MAP2: variants seen among roughly 807,000 people sequenced by gnomAD.
MAP2 encodes the protein microtubule-associated protein 2.
Under a neutral mutation model 137.6 loss-of-function variants are expected in MAP2, and 14 were observed. That is an observed-to-expected ratio of 0.10 (90% CI 0.07 to 0.16). The LOEUF is 0.16. Among genes scored for constraint, MAP2 ranks in the 10% least tolerant of loss-of-function variants. The pLI, the probability that MAP2 is intolerant of heterozygous loss-of-function variation, is 1.00. For synonymous variants in MAP2, 786 were observed against 782.3 expected (o/e 1.00, Z -0.08); for missense variants, 2,088 against 2,191.5 (o/e 0.95, Z 0.94).
At chr2:209,716,939 A>C (rs1044807711) in intron 13 of MAP2, among the ~76,000 whole-genome samples, 1 of 152,192 alleles carries the variant, frequency 6.6e-6, no homozygotes, top group African/African-American at 2.4e-5. Flanking sequence ...TGTTTGTGCC[A>C]CAAGGGCCAG....
intron 1 of MAP2, among the ~76,000 whole-genome samples, chr2:209,437,312 T>A (rs1696578170): frequency 6.6e-6 from 1 of 151,654 alleles, no homozygotes; most frequent in African/African-American, 2.4e-5. Context: ...CCAGGTATTT[T>A]GTCTTATAAG....
Position 209,701,859 on chromosome 2 carries a change from AG to A in MAP2, c.4584+1524del, listed in dbSNP as rs924205393. ...TTAATGATGTATGGTGGTTGGCCGT[AG>A]GGCTATGAAACAAATCATGTTCAAA... On this transcript the variant is annotated intron_variant, in intron 11 of 15. Coordinates refer to ENST00000682079, the MANE Select transcript of MAP2 (RefSeq NM_001375505.1). Among the ~76,000 whole-genome samples the A allele has an allele frequency of 7.5e-4, 114 of 152,192 alleles. 1 individual carries two copies. Among genetic ancestry groups the A allele is most frequent in the African/African-American group, 2.7e-3 (112 of 41,566 alleles).
intron 12 of MAP2, among the ~76,000 whole-genome samples, chr2:209,709,038 A>G (rs1476229571): frequency 2.0e-5 from 3 of 152,210 alleles, no homozygotes; most frequent in African/African-American, 4.8e-5. Context: ...CATTCAAAAG[A>G]TGAAAGAAAC....
At chr2:209,591,035 GT>G (rs2079095999) in intron 3 of MAP2, among the ~76,000 whole-genome samples, 1 of 152,114 alleles carries the variant, frequency 6.6e-6, no homozygotes, top group African/African-American at 2.4e-5. Context: ...TGGTTTCTTT[GT>G]TTTTTGTTTG....
At chr2:209,525,807 C>T (rs529939477) in intron 2 of MAP2, among the ~76,000 whole-genome samples, 3 of 152,244 alleles carry the variant, frequency 2.0e-5, no homozygotes, top group South Asian at 2.1e-4. Context: ...TGTCCAAACT[C>T]TTAGTTTCTA....
rs192724907 is a variant in MAP2 at position 209,517,994 on chromosome 2, C to T, written c.-172+10353C>T. On this transcript the variant is annotated intron_variant, in intron 2 of 15. Transcript: ENST00000682079. ...TAGTTTCATGGGCATGTATTTTTAC[C>T]AGGGAAAGAGAATTTGTACATGATA... Among the ~76,000 whole-genome samples, 460 of 151,924 alleles carry T rather than the reference C, an allele frequency of 3.0e-3. 2 individuals are homozygous for T. Among genetic ancestry groups the T allele is most frequent in the South Asian group, 0.016 (79 of 4,820 alleles).
chr2:209,496,747 T>G (rs550073726), intron 1 of MAP2, among the ~76,000 whole-genome samples: 2 of 152,240 alleles, frequency 1.3e-5, no homozygotes, highest in Admixed American at 6.5e-5. Context: ...CTCTCAAAAT[T>G]CTCTTGGCTC....
At chr2:209,727,629 G>C (rs1471047287) in intron 14 of MAP2, among the ~76,000 whole-genome samples, 1 of 152,088 alleles carries the variant, frequency 6.6e-6, no homozygotes, top group Non-Finnish European at 1.5e-5. Flanking sequence ...AAGTTACTTT[G>C]GAATGTGGAA....
Position 209,692,737 on chromosome 2 carries a change from T to C in MAP2, c.567T>C (p.Gly189=). The change falls in exon 8 of 16, where the codon GGT becomes GGC. Residue 189 remains glycine, a synonymous_variant. Coordinates refer to ENST00000682079, the MANE Select transcript of MAP2 (RefSeq NM_001375505.1). ...EKESEKQSKP[G]EDLKHAALVS... ...AGTCAGAGAAGCAAAGTAAGCCTGG[T>C]GAAGACCTTAAACATGCTGCCTTAG... 6.2e-7 allele frequency: 1 copy of C among 1,614,064 alleles called. No individual in the cohort carries two copies. The highest frequency in any genetic ancestry group is 8.5e-7 in the Non-Finnish European group (1 of 1,179,988).
In MAP2 at chr2:209,676,884, T is replaced by C. The variant is rs1157614898; in HGVS notation, c.263-1688T>C. Reference sequence around the variant, plus strand: ...CTCTACTGATTTTTAAATATTTTAATTGCATTAAAAATTAATATATGTAAG... The same window carrying C: ...CTCTACTGATTTTTAAATATTTTAACTGCATTAAAAATTAATATATGTAAG... On this transcript the variant is annotated intron_variant, in intron 5 of 15. Coordinates refer to ENST00000682079, the MANE Select transcript of MAP2 (RefSeq NM_001375505.1). Among the ~76,000 whole-genome samples, 28 of 151,008 alleles carry C rather than the reference T, an allele frequency of 1.9e-4. No homozygotes were observed. The Admixed American group carries it at 1.9e-3, about 10-fold the overall frequency.
At chr2:209,446,492 G>A (rs1387919386) in intron 1 of MAP2, among the ~76,000 whole-genome samples, 3 of 151,770 alleles carry the variant, frequency 2.0e-5, no homozygotes, top group Non-Finnish European at 4.4e-5. Context: ...AAGTTGGGTA[G>A]TTAATGACTA....
intron 5 of MAP2, among the ~76,000 whole-genome samples, chr2:209,671,768 T>C (rs1029649964): frequency 6.6e-6 from 1 of 151,904 alleles, no homozygotes; most frequent in African/African-American, 2.4e-5. Context: ...CTCAAGCATA[T>C]GCCAAGGTGC....
intron 5 of MAP2, among the ~76,000 whole-genome samples, chr2:209,674,741 T>G (rs1478492722): frequency 1.3e-5 from 2 of 151,764 alleles, no homozygotes; most frequent in Admixed American, 6.6e-5. Flanking sequence ...ACATTTATAT[T>G]TTTATAGGTC....
intron 6 of MAP2, 103 bp from the exon 7 acceptor site, chr2:209,680,647 A>G: frequency 1.0e-6 from 1 of 986,090 alleles, no homozygotes; most frequent in Non-Finnish European, 1.6e-6. Flanking sequence ...CTTTTTCTGA[A>G]TTTTATAGAG....
intron 3 of MAP2, among the ~76,000 whole-genome samples, chr2:209,622,599 T>C (rs2091458773): frequency 6.6e-6 from 1 of 152,242 alleles, no homozygotes; most frequent in Non-Finnish European, 1.5e-5. Context: ...TGCAGCCACT[T>C]TATATAATGA....
chr2:209,651,335 A>G (rs2094783235), intron 4 of MAP2, among the ~76,000 whole-genome samples: 1 of 152,158 alleles, frequency 6.6e-6, no homozygotes, highest in Admixed American at 6.5e-5. Flanking sequence ...TCCCTACACA[A>G]TATCTGGGGA....
chr2:209,638,557 T>A (rs1370927440), intron 4 of MAP2, among the ~76,000 whole-genome samples: 1 of 152,128 alleles, frequency 6.6e-6, no homozygotes, highest in Non-Finnish European at 1.5e-5. Context: ...TACCTTTCCC[T>A]GGAGAAAAAC....
chr2:209,625,828 G>C (rs566150148), intron 4 of MAP2, among the ~76,000 whole-genome samples: 2 of 152,154 alleles, frequency 1.3e-5, no homozygotes, highest in Non-Finnish European at 2.9e-5. Context: ...CAAAATTTTT[G>C]CATGAGTAAA....
intron 1 of MAP2, among the ~76,000 whole-genome samples, chr2:209,432,298 C>T (rs1694497255): frequency 6.6e-6 from 1 of 152,124 alleles, no homozygotes; most frequent in Non-Finnish European, 1.5e-5. Flanking sequence ...TATGTGCCTT[C>T]CTGTTTCTCT....
Sources: gnomAD v4.1 joint callset for allele counts (sites outside exome capture counted in the v4.1 genomes callset) on GRCh38, gnomAD v4.1.1 for gene constraint, MANE v1.5 for transcripts, NCBI Gene and HGNC (gene_info 2026-07-23, HGNC 2026-07-21) for gene names.